Variants in ELL2 observed in about 807,000 individuals in gnomAD.
ELL2 encodes elongation factor for RNA polymerase II 2, also known as RNA polymerase II elongation factor ELL2.
Under a neutral mutation model 72.8 loss-of-function variants are expected in ELL2, and 21 were observed. The observed-to-expected ratio is 0.29, with a 90% CI of 0.20 to 0.42. The LOEUF (loss-of-function observed/expected upper bound fraction) is 0.42. ELL2 is among the 10% of genes least tolerant of loss of function. The pLI, the probability that ELL2 is intolerant of heterozygous loss-of-function variation, is 1.00. For missense variants in ELL2, 568 were observed against 772.8 expected (o/e 0.73, Z 3.14); for synonymous variants, 266 against 283.2 (o/e 0.94, Z 0.61).
At chr5:95,931,386 A>G (rs1442515390) in intron 2 of ELL2, among the ~76,000 whole-genome samples, 1 of 152,062 alleles carries the variant, frequency 6.6e-6, no homozygotes, top group East Asian at 1.9e-4. Flanking sequence ...AATATTGGGG[A>G]GCTCCCACTC....
intron 10 of ELL2, among the ~76,000 whole-genome samples, chr5:95,890,415 C>T (rs1467373406): frequency 1.3e-5 from 2 of 152,106 alleles, no homozygotes; most frequent in Non-Finnish European, 2.9e-5. Flanking sequence ...CACCTGTGTC[C>T]GTGAAGTGTG....
chr5:95,906,698 G>T lies in ELL2; in HGVS notation c.566C>A (p.Ala189Glu). 1 of 1,614,088 alleles carries T rather than the reference G, an allele frequency of 6.2e-7. No homozygotes were observed. Among genetic ancestry groups the T allele is most frequent in the Non-Finnish European group, 8.5e-7 (1 of 1,179,974 alleles). The change falls in exon 5 of 12, where the codon GCA (alanine) becomes GAA (glutamate). Residue 189 changes from alanine to glutamate, a missense_variant. Transcript: ENST00000237853. ...ERKRSTPMNP[A>E]NTIRKTHSSS... Reference sequence around the variant, plus strand: ...GCTATGTGTCTTTCGAATTGTATTTGCAGGGTTCATGGGGGTTGACCTTTT... The same window carrying T: ...GCTATGTGTCTTTCGAATTGTATTTTCAGGGTTCATGGGGGTTGACCTTTT...
At chr5:95,954,758 A>G (rs1031996387) in intron 1 of ELL2, among the ~76,000 whole-genome samples, 7 of 151,476 alleles carry the variant, frequency 4.6e-5, no homozygotes, top group Non-Finnish European at 1.0e-4. Context: ...GTTAAATTCT[A>G]TAGACTCTAT....
intron 5 of ELL2, among the ~76,000 whole-genome samples, chr5:95,901,456 C>T (rs1018922263): frequency 1.3e-5 from 2 of 152,148 alleles, no homozygotes; most frequent in South Asian, 2.1e-4. Context: ...CACCCCCAGT[C>T]GATGCCTAAA....
chr5:95,932,055 T>C (rs1750621562), intron 2 of ELL2, among the ~76,000 whole-genome samples: 1 of 151,708 alleles, frequency 6.6e-6, no homozygotes, highest in Non-Finnish European at 1.5e-5. Flanking sequence ...TTTATAAATC[T>C]GTTTCCGAAC....
intron 10 of ELL2, among the ~76,000 whole-genome samples, chr5:95,889,867 G>A (rs1748593928): frequency 7.1e-6 from 1 of 140,102 alleles, no homozygotes; most frequent in African/African-American, 2.6e-5. Flanking sequence ...CAGTAACAGT[G>A]ATTTTCTGTG....
chr5:95,906,858 T>C lies in ELL2; in HGVS notation c.482-76A>G, dbSNP rs1426306357. The C allele has an allele frequency of 3.6e-6, 5 of 1,376,592 alleles. No homozygotes were observed. In the African/African-American group the frequency reaches 7.4e-5, roughly 20 times the overall value. 85.3% of individuals were successfully genotyped at this position (1,376,592 alleles called of 1,614,324 possible). On this transcript the variant is annotated intron_variant, in intron 4 of 11. Coordinates refer to ENST00000237853, the MANE Select transcript of ELL2 (RefSeq NM_012081.6). The stretch of plus-strand genomic sequence containing the variant: ...AGCACCTCAGTTTCCACAATTCTGA[T>C]TTAGGTACCTCTTCATTTCTAGAGG...
At position 95,930,814 on chromosome 5, in the gene ELL2, A is replaced by C. The variant is rs548765195; in HGVS notation, c.196-11269T>G. ...GAGAAACAGCAATAAGACATACAATATTTGGGGTATATCATTTTAATTAAT... is the reference window on the plus strand; with the variant it reads ...GAGAAACAGCAATAAGACATACAATCTTTGGGGTATATCATTTTAATTAAT... On this transcript the variant is annotated intron_variant, in intron 2 of 11. Coordinates refer to ENST00000237853, the MANE Select transcript of ELL2 (RefSeq NM_012081.6). 7.5e-4 allele frequency among the ~76,000 whole-genome samples: 115 copies of C among 152,332 alleles called. 1 individual carries two copies. The highest frequency in any genetic ancestry group is 2.2e-3 in the African/African-American group (90 of 41,580).
chr5:95,906,317 C>T (rs2112289416), intron 5 of ELL2, among the ~76,000 whole-genome samples: 1 of 152,238 alleles, frequency 6.6e-6, no homozygotes, highest in Non-Finnish European at 1.5e-5. Context: ...AAAGACAATG[C>T]TCACATTTCA....
intron 4 of ELL2, 92 bp downstream of exon 4, chr5:95,913,679 T>C: frequency 1.5e-6 from 2 of 1,328,546 alleles, no homozygotes; most frequent in South Asian, 2.0e-5. Context: ...AGTTTCTGTG[T>C]TTTCATTAAG....
At chr5:95,895,805 T>G (rs937511591) in intron 8 of ELL2, 114 bp from the exon 9 acceptor site, 1 of 848,112 alleles carries the variant, frequency 1.2e-6, no homozygotes. Context: ...AATTCTATTC[T>G]TCCATCTCAA....
At chr5:95,901,559 TAAC>T (rs10671631) in intron 5 of ELL2, among the ~76,000 whole-genome samples, 2 of 151,664 alleles carry the variant, frequency 1.3e-5, no homozygotes, top group African/African-American at 4.9e-5. Context: ...GGTAAGAGAT[TAAC>T]AATAACTACT....
At chr5:95,942,085 A>T (rs1437951854) in intron 2 of ELL2, among the ~76,000 whole-genome samples, 1 of 152,204 alleles carries the variant, frequency 6.6e-6, no homozygotes, top group Admixed American at 6.5e-5. Flanking sequence ...GTGTTGAATG[A>T]TGTAATTAAT....
At chr5:95,953,385 G>A (rs1026337711) in intron 1 of ELL2, among the ~76,000 whole-genome samples, 9 of 152,116 alleles carry the variant, frequency 5.9e-5, no homozygotes, top group African/African-American at 2.2e-4. Flanking sequence ...TTTATTACAT[G>A]GACACTTTTT....
rs1748504346 is a variant in ELL2, at chr5:95,887,508, A to AAAGACAATACAAT, written c.*1350_*1362dup. 6.5e-6 allele frequency: 1 copy of AAAGACAATACAAT among 152,674 alleles called. No individual in the cohort carries two copies. The highest frequency in any genetic ancestry group is 1.5e-5 in the Non-Finnish European group (1 of 68,050). The allele number at this position is 152,674 out of a possible 1,614,324, so 9.5% of individuals were successfully genotyped here. ...CCCTTTTCAACTGGCAGCACTTTGA[A>AAAGACAATACAAT]AAGACAATACAATAAGACAATACAA... On this transcript the variant is annotated 3_prime_UTR_variant, in exon 12 of 12. Transcript: ENST00000237853.
At chr5:95,955,775 A>C (rs949864351) in intron 1 of ELL2, among the ~76,000 whole-genome samples, 1 of 151,954 alleles carries the variant, frequency 6.6e-6, no homozygotes, top group African/African-American at 2.4e-5. Context: ...GTTCATCTTC[A>C]GTGTAGGAAT....
At chr5:95,937,093 T>C (rs1054120334) in intron 2 of ELL2, among the ~76,000 whole-genome samples, 1 of 152,166 alleles carries the variant, frequency 6.6e-6, no homozygotes, top group African/African-American at 2.4e-5. Flanking sequence ...GCTTCAGATA[T>C]TAGTTATAGC....
chr5:95,917,398 T>G (rs1393689992), intron 3 of ELL2, among the ~76,000 whole-genome samples: 1 of 152,216 alleles, frequency 6.6e-6, no homozygotes, highest in Non-Finnish European at 1.5e-5. Context: ...GCATGTATTT[T>G]GAGCTCAGTC....
At chr5:95,944,534 A>G (rs937884404) in intron 1 of ELL2, among the ~76,000 whole-genome samples, 1 of 152,210 alleles carries the variant, frequency 6.6e-6, no homozygotes, top group Non-Finnish European at 1.5e-5. Context: ...TTTTATGAAA[A>G]TATAAATATA....
Sources: allele counts gnomAD v4.1 joint callset (sites outside exome capture counted in the v4.1 genomes callset), GRCh38; gene constraint gnomAD v4.1.1; transcripts MANE v1.5; gene names NCBI Gene and HGNC (gene_info 2026-07-23, HGNC 2026-07-21).